Variants in B4GALT2 observed in about 807,000 individuals in gnomAD.
B4GALT2 encodes the protein N-acetyllactosamine synthase.
A neutral mutation model predicts 33.2 loss-of-function variants in B4GALT2; 18 were observed. The observed-to-expected ratio is 0.54, with a 90% CI of 0.38 to 0.80. The LOEUF is 0.80. Ranked by LOEUF, B4GALT2 falls within the 30% of genes least tolerant of loss-of-function variation. B4GALT2 has a pLI of 0.00. For synonymous variants in B4GALT2, 214 were observed against 217.6 expected (o/e 0.98, Z 0.15); for missense variants, 404 against 526.2 (o/e 0.77, Z 2.27).
In B4GALT2 at chr1:43,985,272, C is replaced by T. The variant is rs758373870; in HGVS notation, c.741-6C>T. The stretch of plus-strand genomic sequence containing the variant: ...CCTTACTGACACCTGCCTTCCCATG[C>T]CACAGGCTTCCCTATGCTGGCTACT... On this transcript the variant is annotated splice_polypyrimidine_tract_variant and splice_region_variant and intron_variant, in intron 4 of 6. Transcript: ENST00000372324. 5.0e-6 allele frequency: 8 copies of T among 1,609,232 alleles called. No individual in the cohort carries two copies. Among genetic ancestry groups the T allele is most frequent in the South Asian group, 2.2e-5 (2 of 90,366 alleles).
rs1484192454 is a variant in B4GALT2 at position 43,990,292 on chromosome 1, A to G, written c.969-6A>G. 1.2e-6 allele frequency: 2 copies of G among 1,614,044 alleles called. No individual in the cohort carries two copies. The highest frequency in any genetic ancestry group is 1.7e-6 in the Non-Finnish European group (2 of 1,179,962). ...CCCTGATGTGGACCATTTCCATCCT[A>G]TCTAGGTTTACCAAGATTCAAAACA... is the stretch of plus-strand genomic sequence containing the variant. On this transcript the variant is annotated splice_polypyrimidine_tract_variant and splice_region_variant and intron_variant, in intron 6 of 6. Coordinates refer to ENST00000372324, the MANE Select transcript of B4GALT2 (RefSeq NM_003780.5).
intron 3 of B4GALT2, among the ~76,000 whole-genome samples, chr1:43,983,336 G>A (rs1395514475): frequency 1.3e-5 from 2 of 152,202 alleles, no homozygotes; most frequent in African/African-American, 4.8e-5. Flanking sequence ...GGAGAAAGAG[G>A]CCGCTACAGA....
Position 43,985,539 on chromosome 1 carries a change from A to T in B4GALT2, c.886A>T (p.Ile296Phe), listed in dbSNP as rs1272922425. 1.2e-6 allele frequency: 2 copies of T among 1,612,986 alleles called. No homozygotes were observed. The highest frequency in any genetic ancestry group is 1.7e-5 in the Admixed American group (1 of 59,888). ...FNRISLTGMK[I>F]SRPDIRIGRY... ...CAGGATCTCCCTGACTGGGATGAAG[A>T]TCTCACGCCCAGACATCCGAATCGG... Residue 296 changes from isoleucine to phenylalanine, a missense_variant, in exon 6 of 7, where the codon ATC becomes TTC. By Grantham distance (21) the Ile-to-Phe change is conservative. Transcript: ENST00000372324.
intron 1 of B4GALT2, chr1:43,980,319 C>A: frequency 2.6e-6 from 1 of 386,264 alleles, no homozygotes; most frequent in Non-Finnish European, 4.5e-6. Flanking sequence ...GGAATCAGAA[C>A]CAGCTGTGCT....
intron 6 of B4GALT2, among the ~76,000 whole-genome samples, chr1:43,988,852 A>AAG (rs1237363978): frequency 6.7e-6 from 1 of 149,788 alleles, no homozygotes; most frequent in Non-Finnish European, 1.5e-5. Flanking sequence ...GTCTCAAAAA[A>AAG]AAAAAAAAAA....
rs1373459262 is a variant in B4GALT2 at position 43,990,579 on chromosome 1, GC to G, written c.*136del. On this transcript the variant is annotated 3_prime_UTR_variant, in exon 7 of 7. Transcript: ENST00000372324. Reference sequence around the variant, plus strand: ...TCTGTTTTCCAAGGGTCTTCACTAGGCCCCCTAGCTACACCTGGAAGTTTCA... The same window carrying G: ...TCTGTTTTCCAAGGGTCTTCACTAGGCCCCTAGCTACACCTGGAAGTTTCA... 4.6e-6 allele frequency: 6 copies of G among 1,302,358 alleles called. No individual in the cohort carries two copies. The highest frequency in any genetic ancestry group is 6.3e-6 in the Non-Finnish European group (6 of 944,902). The allele number at this position is 1,302,358 out of a possible 1,614,324, so 80.7% of individuals were successfully genotyped here. A position where few individuals can be genotyped will look rare whatever the true frequency, so the allele number is the denominator to read the frequency against.
chr1:43,980,075 C>T, intron 1 of B4GALT2: 7 of 1,474,734 alleles, frequency 4.7e-6, no homozygotes, highest in Non-Finnish European at 5.4e-6. Flanking sequence ...GTGTTACTGT[C>T]ACCCGGGTGT....
In B4GALT2 at chr1:43,979,934, C is replaced by CCAGA. The variant is rs2085575931; in HGVS notation, c.-53+424_-53+427dup. 2.0e-6 allele frequency: 3 copies of CCAGA among 1,510,132 alleles called. No individual in the cohort carries two copies. The highest frequency in any genetic ancestry group is 2.7e-6 in the Non-Finnish European group (3 of 1,128,562). 93.5% of individuals were successfully genotyped at this position (1,510,132 alleles called of 1,614,324 possible). On this transcript the variant is annotated intron_variant, in intron 1 of 6. Coordinates refer to ENST00000372324, the MANE Select transcript of B4GALT2 (RefSeq NM_003780.5). The surrounding 1 kb of genome is among the most constrained non-coding windows in gnomAD (Gnocchi z 4.8). ...CCCTCAGCCTGGCCGCCAGCCTGACCCAGAACCCCTGCGCCGGAGGGAGGG... is the reference window on the plus strand; with the variant it reads ...CCCTCAGCCTGGCCGCCAGCCTGACCCAGACAGAACCCCTGCGCCGGAGGGAGGG...
In B4GALT2 at chr1:43,979,336, C is replaced by CGCG. The variant is rs747683462; in HGVS notation, c.-202_-200dup. The CGCG allele has an allele frequency of 0.043, 6,333 of 146,834 alleles. 138 individuals carry two copies. Among genetic ancestry groups the CGCG allele is most frequent in the Non-Finnish European group, 0.051 (3,411 of 66,376 alleles). The allele number at this position is 146,834 out of a possible 1,614,324, so 9.1% of individuals were successfully genotyped here. ...CCCGGGGCGGCTCGGCTCCATGGCC[C>CGCG]GCGGCGGCGGCGGCGGCGGCGGCGG... On this transcript the variant is annotated 5_prime_UTR_variant, in exon 1 of 7. Transcript: ENST00000372324. The surrounding 1 kb of genome is among the most constrained non-coding windows in gnomAD (Gnocchi z 4.8).
rs1258453765 is a variant in B4GALT2, at chr1:43,981,211, CCTT to C, written c.54_56del (p.Leu19del). On this transcript the variant is annotated inframe_deletion, in exon 2 of 7. Coordinates refer to ENST00000372324, the MANE Select transcript of B4GALT2 (RefSeq NM_003780.5). The surrounding 1 kb of genome is among the most constrained non-coding windows in gnomAD (Gnocchi z 8.1). Reference sequence around the variant, plus strand: ...TGGAGCGCGTCTGCAAGGCTGTGCTCCTTCTCTGCCTGCTGCACTTCCTCGTGG... The same window carrying C: ...TGGAGCGCGTCTGCAAGGCTGTGCTCCTCTGCCTGCTGCACTTCCTCGTGG... The C allele has an allele frequency of 6.2e-7, 1 of 1,603,786 alleles. No individual in the cohort carries two copies. Among genetic ancestry groups the C allele is most frequent in the Admixed American group, 1.7e-5 (1 of 60,018 alleles).
At chr1:43,986,862 G>A (rs138123172) in intron 6 of B4GALT2, among the ~76,000 whole-genome samples, 69 of 152,278 alleles carry the variant, frequency 4.5e-4, no homozygotes, top group African/African-American at 1.5e-3. Flanking sequence ...AAGTCAGCCC[G>A]GCCTGAAGGA....
intron 4 of B4GALT2, 72 bp from the exon 5 acceptor site, chr1:43,985,206 C>T (rs548498821): frequency 2.4e-5 from 37 of 1,567,848 alleles, no homozygotes; most frequent in Middle Eastern, 1.7e-4. Flanking sequence ...ACATTCCCCC[C>T]GACCTGGTCT....
At position 43,982,113 on chromosome 1, in the gene B4GALT2, T is replaced by C. The variant is rs922963322; in HGVS notation, c.549+189T>C. On this transcript the variant is annotated intron_variant, in intron 3 of 6. Coordinates refer to ENST00000372324, the MANE Select transcript of B4GALT2 (RefSeq NM_003780.5). This position sits in a 1 kb window ranked among gnomAD's most constrained non-coding sequence, Gnocchi z 4.3. The stretch of plus-strand genomic sequence containing the variant: ...GTTGGCATGCACACTGGCAGGTGTG[T>C]GCATGGTCTCAGAAGGGGTTGAGCC... Among the ~76,000 whole-genome samples the C allele has an allele frequency of 1.3e-5, 2 of 152,128 alleles. No individual in the cohort carries two copies. The highest frequency in any genetic ancestry group is 1.9e-4 in the East Asian group (1 of 5,168).
intron 6 of B4GALT2, among the ~76,000 whole-genome samples, chr1:43,989,144 C>T (rs1249334993): frequency 1.3e-5 from 2 of 151,972 alleles, no homozygotes; most frequent in South Asian, 2.1e-4. Context: ...GTTAGGAGTT[C>T]GAGACCAGCC....
intron 6 of B4GALT2, among the ~76,000 whole-genome samples, chr1:43,989,484 A>G (rs1290697008): frequency 6.6e-6 from 1 of 152,218 alleles, no homozygotes; most frequent in Non-Finnish European, 1.5e-5. Flanking sequence ...GGAGTGAGAT[A>G]GGAATTTTAG....
rs762651751 is a variant in B4GALT2, at chr1:43,990,769, C to T, written c.*321C>T. On this transcript the variant is annotated 3_prime_UTR_variant, in exon 7 of 7. Coordinates refer to ENST00000372324, the MANE Select transcript of B4GALT2 (RefSeq NM_003780.5). ...GCAGAGTGGCCTGGGCTAGGTCACT[C>T]CACCTCTCTGTGCCTCAGTTTCCCC... is the stretch of plus-strand genomic sequence containing the variant. 8.4e-6 allele frequency: 3 copies of T among 357,974 alleles called. No individual in the cohort carries two copies. Among genetic ancestry groups the T allele is most frequent in the Non-Finnish European group, 1.6e-5 (3 of 189,416 alleles). 22.2% of individuals were successfully genotyped at this position (357,974 alleles called of 1,614,324 possible).
chr1:43,985,853 A>C, intron 6 of B4GALT2: 3 of 582,296 alleles, frequency 5.2e-6, no homozygotes, highest in East Asian at 2.9e-5. Flanking sequence ...TCAGCCCAAT[A>C]TCTCTGACCT....
At chr1:43,980,926 G>C (rs1454010682) in intron 1 of B4GALT2, among the ~76,000 whole-genome samples, 183 bp from the exon 2 acceptor site, 1 of 152,176 alleles carries the variant, frequency 6.6e-6, no homozygotes, top group Non-Finnish European at 1.5e-5. Flanking sequence ...GTACTGAGTT[G>C]CCGGGAACTG....
intron 6 of B4GALT2, among the ~76,000 whole-genome samples, chr1:43,987,395 C>T (rs1220827677): frequency 6.6e-6 from 1 of 152,100 alleles, no homozygotes; most frequent in Non-Finnish European, 1.5e-5. Flanking sequence ...TTTCACACAC[C>T]CTTTAGGCCC....
Sources: allele counts gnomAD v4.1 joint callset (sites outside exome capture counted in the v4.1 genomes callset), GRCh38; gene constraint gnomAD v4.1.1; non-coding constraint Gnocchi (gnomAD v3.1); transcripts MANE v1.5; gene names NCBI Gene and HGNC (gene_info 2026-07-23, HGNC 2026-07-21).